The following MAPK10 variants were observed in gnomAD, a reference collection of about 807,000 sequenced individuals.
MAPK10 encodes the protein JNK3 alpha protein kinase.
In MAPK10, 25 loss-of-function variants were observed where a neutral mutation model predicts 59.3. That is an observed-to-expected ratio of 0.42 (90% CI 0.31 to 0.59). The LOEUF (loss-of-function observed/expected upper bound fraction) is 0.59, where lower values mean the gene tolerates loss of function less well. Ranked by LOEUF, MAPK10 falls within the 20% of genes least tolerant of loss-of-function variation. The probability of loss-of-function intolerance (pLI) is 0.15; values close to 1 mark genes in which losing one functional copy is unlikely to be tolerated. For synonymous variants in MAPK10, 190 were observed against 200.5 expected, an observed-to-expected ratio of 0.95 and a Z score of 0.44; for missense variants, 351 against 568.9, an observed-to-expected ratio of 0.62 and a Z score of 3.90.
chr4:86,402,870 G>T (rs1333261497), intron 1 of MAPK10, among the ~76,000 whole-genome samples: 1 of 152,122 alleles, frequency 6.6e-6, no homozygotes, highest in Non-Finnish European at 1.5e-5. Context: ...GCAGCCCACG[G>T]AAAGCATGGC....
rs567476519 is a variant in MAPK10 at position 86,513,205 on chromosome 4, G to C, written c.-263+80705C>G. Among the ~76,000 whole-genome samples the C allele has an allele frequency of 3.9e-5, 6 of 151,926 alleles. No individual in the cohort carries two copies. The East Asian group carries it at 9.7e-4, about 24-fold the overall frequency. ...TAGAACTACAGGCACATACCACTAT[G>C]CTCAATTTATTTTTTTACTTTTTGT... On this transcript the variant is annotated intron_variant, in intron 1 of 4. Transcript: ENST00000502302.
intron 1 of MAPK10, among the ~76,000 whole-genome samples, chr4:86,383,923 T>G (rs763657625): frequency 6.6e-6 from 1 of 152,224 alleles, no homozygotes; most frequent in African/African-American, 2.4e-5. Context: ...CTGATTTATC[T>G]TCTTTGATTA....
chr4:86,203,767 G>A (rs1388493950), intron 2 of MAPK10, among the ~76,000 whole-genome samples: 2 of 150,800 alleles, frequency 1.3e-5, no homozygotes, highest in Non-Finnish European at 3.0e-5. Flanking sequence ...TCTCTTCCAT[G>A]TTCAAAAGGA....
chr4:86,495,272 A>C (rs1467815854), intron 1 of MAPK10, among the ~76,000 whole-genome samples: 2 of 152,198 alleles, frequency 1.3e-5, no homozygotes, highest in African/African-American at 2.4e-5. Flanking sequence ...TGGTATTTTA[A>C]ATGTTTTATT....
chr4:86,438,972 C>A (rs1467780724), intron 1 of MAPK10, among the ~76,000 whole-genome samples: 1 of 152,104 alleles, frequency 6.6e-6, no homozygotes, highest in Non-Finnish European at 1.5e-5. Flanking sequence ...AGCAGCTGGG[C>A]CCTTTGGTCA....
At chr4:86,415,944 T>C (rs964665196) in intron 1 of MAPK10, among the ~76,000 whole-genome samples, 7 of 152,238 alleles carry the variant, frequency 4.6e-5, no homozygotes, top group Admixed American at 6.5e-5. Flanking sequence ...AGTTTTATCA[T>C]CATCTAGCTG....
At chr4:86,553,917 T>G (rs1291686768) in intron 1 of MAPK10, among the ~76,000 whole-genome samples, 1 of 151,958 alleles carries the variant, frequency 6.6e-6, no homozygotes, top group African/African-American at 2.4e-5. Context: ...AATTTTTTTT[T>G]ATTATTAAGA....
At chr4:86,247,280 A>C (rs548307451) in intron 2 of MAPK10, among the ~76,000 whole-genome samples, 7 of 152,294 alleles carry the variant, frequency 4.6e-5, no homozygotes, top group African/African-American at 1.7e-4. Context: ...TTCTACTCAA[A>C]AGCATCCTGA....
At chr4:86,031,678 G>A (rs1425738104) in intron 11 of MAPK10, 18 of 414,686 alleles carry the variant, frequency 4.3e-5, no homozygotes, top group Admixed American at 4.0e-5. Flanking sequence ...AATCCCGAGA[G>A]CTCACTTTCC....
At chr4:86,084,918 G>T (rs1264095705) in intron 9 of MAPK10, among the ~76,000 whole-genome samples, 9 of 152,140 alleles carry the variant, frequency 5.9e-5, no homozygotes, top group African/African-American at 2.2e-4. Context: ...CAATAGAACA[G>T]AAGATAGAAC....
intron 1 of MAPK10, among the ~76,000 whole-genome samples, chr4:86,574,027 G>A (rs1331939785): frequency 6.6e-6 from 1 of 152,130 alleles, no homozygotes; most frequent in African/African-American, 2.4e-5. Flanking sequence ...TTAGCAGTAG[G>A]TATATCTCCT....
In MAPK10 at chr4:86,012,104, C is replaced by A. The variant is rs999497535; in HGVS notation, c.*5124G>T. The A allele has an allele frequency of 6.6e-6, 1 of 152,100 alleles. No individual in the cohort carries two copies. The highest frequency in any genetic ancestry group is 1.5e-5 in the Non-Finnish European group (1 of 68,008). 9.4% of individuals were successfully genotyped at this position (152,100 alleles called of 1,614,324 possible). The stretch of plus-strand genomic sequence containing the variant: ...CCTGCTCTACTTACCTAATGCCCCC[C>A]CAAAAGATGATCTTTTTTTTCTTCA... On this transcript the variant is annotated 3_prime_UTR_variant, in exon 14 of 14. Coordinates refer to ENST00000641462, the MANE Select transcript of MAPK10 (RefSeq NM_138982.4).
intron 1 of MAPK10, among the ~76,000 whole-genome samples, chr4:86,563,441 C>T (rs914169799): frequency 1.3e-5 from 2 of 152,114 alleles, no homozygotes; most frequent in Non-Finnish European, 2.9e-5. Flanking sequence ...TTCAAAGTAG[C>T]AGCATTATTT....
chr4:86,340,702 A>C (rs948735288), intron 2 of MAPK10, among the ~76,000 whole-genome samples: 9 of 152,196 alleles, frequency 5.9e-5, no homozygotes, highest in African/African-American at 2.4e-5. Context: ...CAGAGGTGCT[A>C]AATTTTCATC....
intron 3 of MAPK10, among the ~76,000 whole-genome samples, chr4:86,173,441 C>A (rs1298691170): frequency 6.6e-6 from 1 of 152,048 alleles, no homozygotes; most frequent in African/African-American, 2.4e-5. Context: ...AACCTGGACC[C>A]CTTCCTTACA....
chr4:86,461,412 T>C lies in MAPK10; in HGVS notation c.-262-106768A>G, dbSNP rs116441089. On this transcript the variant is annotated intron_variant, in intron 1 of 4. Transcript: ENST00000502302. ...CAGTTAGTTGAAATCATTAAGTTAT[T>C]ATCTAAAGACCTGGAATCAAGGCCG... 5.3e-3 allele frequency among the ~76,000 whole-genome samples: 803 copies of C among 152,258 alleles called. 2 individuals are homozygous for C. The highest frequency in any genetic ancestry group is 0.012 in the East Asian group (62 of 5,162).
chr4:86,437,288 CTT>C (rs1258765439), intron 1 of MAPK10, among the ~76,000 whole-genome samples: 1 of 151,194 alleles, frequency 6.6e-6, no homozygotes, highest in Non-Finnish European at 1.5e-5. Context: ...AGGAAGCTCT[CTT>C]CTCTTCTGTT....
At position 86,042,537 on chromosome 4, in the gene MAPK10, G is replaced by T. The variant is rs1385206649; in HGVS notation, c.1111-11106C>A. Among the ~76,000 whole-genome samples, 4 of 152,234 alleles carry T rather than the reference G, an allele frequency of 2.6e-5. No individual in the cohort carries two copies. In the East Asian group the frequency reaches 7.7e-4, roughly 29 times the overall value. ...TACACAATATAAAAATATGTTAATT[G>T]TGACATCAAAAATTTTAAATGTGGG... On this transcript the variant is annotated intron_variant, in intron 11 of 13. Coordinates refer to ENST00000641462, the MANE Select transcript of MAPK10 (RefSeq NM_138982.4).
chr4:86,320,733 T>C lies in MAPK10; in HGVS notation c.-7+33797A>G, dbSNP rs566727392. ...TGTTTTAGACATGAAGCCTTGCACA[T>C]GCCTATGTCCTGAATGGTAATGCCT... On this transcript the variant is annotated intron_variant, in intron 2 of 13. Coordinates refer to ENST00000641462, the MANE Select transcript of MAPK10 (RefSeq NM_138982.4). 6.6e-5 allele frequency among the ~76,000 whole-genome samples: 10 copies of C among 152,354 alleles called. No homozygotes were observed. In the East Asian group the frequency reaches 1.7e-3, roughly 26 times the overall value.
Sources: allele counts gnomAD v4.1 joint callset (sites outside exome capture counted in the v4.1 genomes callset), GRCh38; gene constraint gnomAD v4.1.1; transcripts MANE v1.5; gene names NCBI Gene and HGNC (gene_info 2026-07-23, HGNC 2026-07-21).